Variants in SLC25A21 observed in about 807,000 individuals in gnomAD.
SLC25A21 encodes mitochondrial 2-oxodicarboxylate carrier.
SLC25A21 carries 47 observed loss-of-function variants against 43.8 expected under a neutral mutation model. The observed-to-expected ratio is 1.07, with a 90% CI of 0.85 to 1.37. The LOEUF (loss-of-function observed/expected upper bound fraction) is 1.37. Ranked by LOEUF, SLC25A21 falls within the 40% of genes most tolerant of loss-of-function variation. The pLI, the probability that SLC25A21 is intolerant of heterozygous loss-of-function variation, is 0.00. For synonymous variants in SLC25A21, 131 were observed against 121.3 expected, an observed-to-expected ratio of 1.08 and a Z score of -0.52; for missense variants, 352 against 350.2, an observed-to-expected ratio of 1.00 and a Z score of -0.04.
At chr14:37,061,897 T>C (rs1296359457) in intron 1 of SLC25A21, among the ~76,000 whole-genome samples, 1 of 152,200 alleles carries the variant, frequency 6.6e-6, no homozygotes, top group Non-Finnish European at 1.5e-5. Context: ...CATTTCAGGT[T>C]CTTGAAAGGC....
At chr14:36,834,805 A>G (rs1889153298) in intron 2 of SLC25A21, among the ~76,000 whole-genome samples, 1 of 152,172 alleles carries the variant, frequency 6.6e-6, no homozygotes, top group African/African-American at 2.4e-5. Context: ...GAGATCAACG[A>G]AAGGGCCTTT....
intron 2 of SLC25A21, among the ~76,000 whole-genome samples, chr14:36,835,595 C>A (rs1889182121): frequency 6.6e-6 from 1 of 152,324 alleles, no homozygotes. Flanking sequence ...AGAAGAGGCA[C>A]TCTCCCCAAA....
At chr14:36,764,617 C>CA (rs56318041) in intron 3 of SLC25A21, among the ~76,000 whole-genome samples, 309 of 124,292 alleles carry the variant, frequency 2.5e-3, no homozygotes, top group East Asian at 6.1e-3. Flanking sequence ...ACACACACTC[C>CA]AAAAAAAAAA....
At chr14:36,813,216 C>G (rs1221000595) in intron 3 of SLC25A21, among the ~76,000 whole-genome samples, 9 of 152,106 alleles carry the variant, frequency 5.9e-5, no homozygotes, top group African/African-American at 1.9e-4. Context: ...CCTCCCCTAG[C>G]CCCTCGCTTC....
chr14:36,809,678 T>C (rs1888165191), intron 3 of SLC25A21, among the ~76,000 whole-genome samples: 1 of 152,090 alleles, frequency 6.6e-6, no homozygotes, highest in Non-Finnish European at 1.5e-5. Context: ...AAATGGGAGA[T>C]CTGTGCAGAT....
chr14:36,976,644 G>C (rs953147756), intron 1 of SLC25A21, among the ~76,000 whole-genome samples: 1 of 152,166 alleles, frequency 6.6e-6, no homozygotes, highest in African/African-American at 2.4e-5. Context: ...AGCTCCAAGA[G>C]GACCTCACCC....
intron 1 of SLC25A21, among the ~76,000 whole-genome samples, chr14:36,953,358 A>G (rs1959238878): frequency 6.6e-6 from 1 of 152,210 alleles, no homozygotes; most frequent in South Asian, 2.1e-4. Context: ...GCATAAACAG[A>G]TGATATTAAT....
chr14:36,920,288 T>C (rs1447800663), intron 1 of SLC25A21, among the ~76,000 whole-genome samples: 2 of 152,124 alleles, frequency 1.3e-5, no homozygotes, highest in Non-Finnish European at 2.9e-5. Context: ...GTTTTATTTC[T>C]GTCAGGCTCC....
chr14:36,778,465 C>A (rs747595737), intron 3 of SLC25A21, among the ~76,000 whole-genome samples: 8 of 152,186 alleles, frequency 5.3e-5, no homozygotes, highest in Non-Finnish European at 8.8e-5. Flanking sequence ...TTCCCACTTT[C>A]AGCTCCTTAG....
chr14:36,757,970 G>A (rs948026875), intron 3 of SLC25A21, among the ~76,000 whole-genome samples: 1 of 152,236 alleles, frequency 6.6e-6, no homozygotes, highest in Non-Finnish European at 1.5e-5. Flanking sequence ...TGAGGGCTGG[G>A]TGCCTACCGC....
At chr14:36,999,644 C>T (rs72667361) in intron 1 of SLC25A21, among the ~76,000 whole-genome samples, 1,621 of 152,214 alleles carry the variant, frequency 0.011, 25 homozygotes, top group South Asian at 0.019. Context: ...TCTGTACCTT[C>T]TCTTGAATTT....
At chr14:37,099,798 C>T (rs1310243463) in intron 1 of SLC25A21, among the ~76,000 whole-genome samples, 2 of 151,990 alleles carry the variant, frequency 1.3e-5, no homozygotes, top group Admixed American at 6.6e-5. Context: ...ATTCAGAACC[C>T]GGAGCTCTGA....
At chr14:37,136,310 A>G (rs1239318881) in intron 1 of SLC25A21, among the ~76,000 whole-genome samples, 1 of 152,226 alleles carries the variant, frequency 6.6e-6, no homozygotes, top group Non-Finnish European at 1.5e-5. Flanking sequence ...GAAACAGTAG[A>G]AAAGCATGAG....
chr14:36,957,814 T>C (rs1019841180), intron 1 of SLC25A21, among the ~76,000 whole-genome samples: 2 of 152,244 alleles, frequency 1.3e-5, no homozygotes, highest in African/African-American at 4.8e-5. Context: ...AATAGGCTTC[T>C]GGCCAGGTCG....
chr14:37,029,284 A>G (rs80233804), intron 1 of SLC25A21, among the ~76,000 whole-genome samples: 1 of 152,172 alleles, frequency 6.6e-6, no homozygotes, highest in Non-Finnish European at 1.5e-5. Flanking sequence ...AAAATGATAG[A>G]GCACATGAAG....
intron 9 of SLC25A21, among the ~76,000 whole-genome samples, chr14:36,682,650 G>A (rs1882329523): frequency 6.6e-6 from 1 of 152,116 alleles, no homozygotes; most frequent in Non-Finnish European, 1.5e-5. Flanking sequence ...TTTTTACTCT[G>A]CGGTGAAGGA....
At chr14:37,103,828 A>G (rs950093052) in intron 1 of SLC25A21, among the ~76,000 whole-genome samples, 5 of 152,210 alleles carry the variant, frequency 3.3e-5, no homozygotes, top group Non-Finnish European at 5.9e-5. Flanking sequence ...TGAGCTTGGT[A>G]CTGAATCATG....
chr14:36,854,381 GC>G (rs1194859820), intron 2 of SLC25A21, among the ~76,000 whole-genome samples: 1 of 152,220 alleles, frequency 6.6e-6, no homozygotes, highest in Non-Finnish European at 1.5e-5. Flanking sequence ...CCCAGATGGA[GC>G]TAGGTGAGAG....
intron 1 of SLC25A21, among the ~76,000 whole-genome samples, chr14:36,964,293 T>C (rs1274549784): frequency 1.3e-5 from 2 of 152,222 alleles, no homozygotes; most frequent in African/African-American, 4.8e-5. Context: ...TGTTATTTCA[T>C]TTGCTCAGCA....
Sources: gnomAD v4.1 joint callset for allele counts (sites outside exome capture counted in the v4.1 genomes callset) on GRCh38, gnomAD v4.1.1 for gene constraint, MANE v1.5 for transcripts, NCBI Gene and HGNC (gene_info 2026-07-23, HGNC 2026-07-21) for gene names.